Variants in TMEM182 observed in about 807,000 individuals in gnomAD.
The protein encoded by TMEM182 is transmembrane protein 182.
In TMEM182, 20 loss-of-function variants were observed where a neutral mutation model predicts 26.8. That is an observed-to-expected ratio of 0.75 (90% confidence interval 0.53 to 1.09). TMEM182 has a LOEUF of 1.09. TMEM182 is among the 50% of genes least tolerant of loss of function. The pLI, the probability that TMEM182 is intolerant of heterozygous loss-of-function variation, is 0.00. For missense variants in TMEM182, 277 were observed against 275.5 expected, an observed-to-expected ratio of 1.01 and a Z score of -0.04; for synonymous variants, 109 against 102.2, an observed-to-expected ratio of 1.07 and a Z score of -0.40.
upstream of TMEM182, among the ~76,000 whole-genome samples, chr2:102,761,582 G>T (rs1426434343): frequency 6.6e-6 from 1 of 152,152 alleles, no homozygotes; most frequent in Non-Finnish European, 1.5e-5. Context: ...ACTGTACTGT[G>T]TTATGTTAGA....
intron 3 of TMEM182, among the ~76,000 whole-genome samples, chr2:102,836,492 C>T (rs535194725): frequency 6.6e-6 from 1 of 152,146 alleles, no homozygotes; most frequent in African/African-American, 2.4e-5. Flanking sequence ...CTGGACTAAG[C>T]ACTTTAAACA....
chr2:102,764,810 G>A (rs1680362830), intron 3 of TMEM182, among the ~76,000 whole-genome samples: 1 of 151,008 alleles, frequency 6.6e-6, no homozygotes, highest in South Asian at 2.1e-4. Flanking sequence ...CATTACACAT[G>A]AGAATATCAC....
At chr2:102,737,718 G>A (rs1679398443) in intron 1 of TMEM182, among the ~76,000 whole-genome samples, 1 of 152,222 alleles carries the variant, frequency 6.6e-6, no homozygotes, top group Admixed American at 6.5e-5. Flanking sequence ...GGAATTAAGT[G>A]AGTGCATGAC....
At chr2:102,823,886 G>A (rs1012767634) in intron 3 of TMEM182, among the ~76,000 whole-genome samples, 1 of 152,192 alleles carries the variant, frequency 6.6e-6, no homozygotes, top group Non-Finnish European at 1.5e-5. Flanking sequence ...TCTGTCTAGG[G>A]CCAATCAAAA....
At chr2:102,789,148 A>G (rs1360082682) in intron 3 of TMEM182, among the ~76,000 whole-genome samples, 1 of 152,202 alleles carries the variant, frequency 6.6e-6, no homozygotes, top group Non-Finnish European at 1.5e-5. Flanking sequence ...CATTTGGAAC[A>G]TTTTATAGCA....
At chr2:102,748,513 T>G (rs1367527524) in intron 1 of TMEM182, among the ~76,000 whole-genome samples, 2 of 152,260 alleles carry the variant, frequency 1.3e-5, no homozygotes, top group African/African-American at 4.8e-5. Flanking sequence ...GTGGGTCCTA[T>G]GCTGGGCACT....
In TMEM182 at chr2:102,762,312, T is replaced by C; in HGVS notation, c.95T>C (p.Leu32Pro). Residue 32 changes from leucine to proline, a missense_variant, in exon 1 of 5, where the codon CTT becomes CCT. Coordinates refer to ENST00000412401, the MANE Select transcript of TMEM182 (RefSeq NM_144632.5). ...LVAFGSDYWL[L>P]ATEVGRCSGE... The stretch of plus-strand genomic sequence containing the variant: ...GCTTTTGGATCGGATTATTGGCTTC[T>C]TGCAACTGAAGTGGGGAGATGTTCA... 6.2e-7 allele frequency: 1 copy of C among 1,613,994 alleles called. No individual in the cohort carries two copies. Among genetic ancestry groups the C allele is most frequent in the Non-Finnish European group, 8.5e-7 (1 of 1,179,930 alleles).
Position 102,815,812 on chromosome 2 carries a change from A to G in TMEM182, c.*844A>G, listed in dbSNP as rs529053589. On this transcript the variant is annotated 3_prime_UTR_variant, in exon 5 of 5. Transcript: ENST00000412401. ...ATTCTCATTTAAAAATTATATTGCT[A>G]TCATTCAGCATGTGAAAATTTATTG... 1.8e-4 allele frequency: 164 copies of G among 911,996 alleles called. No individual in the cohort carries two copies. The African/African-American group carries it at 2.1e-3, about 12-fold the overall frequency. The allele number at this position is 911,996 out of a possible 1,614,324, so 56.5% of individuals were successfully genotyped here.
chr2:102,780,807 T>G (rs1446241475), intron 3 of TMEM182, among the ~76,000 whole-genome samples: 1 of 152,140 alleles, frequency 6.6e-6, no homozygotes. Flanking sequence ...GGGACTGCAG[T>G]ATTTTGTAGT....
At chr2:102,772,886 C>A (rs1385825937) in intron 3 of TMEM182, among the ~76,000 whole-genome samples, 2 of 152,016 alleles carry the variant, frequency 1.3e-5, no homozygotes, top group Non-Finnish European at 2.9e-5. Context: ...ATCATTAGGG[C>A]ACATAAATTC....
At chr2:102,809,343 T>C (rs1269082735) in intron 4 of TMEM182, among the ~76,000 whole-genome samples, 2 of 152,174 alleles carry the variant, frequency 1.3e-5, no homozygotes, top group African/African-American at 4.8e-5. Flanking sequence ...AGTAAATACA[T>C]AGCTTATCAA....
chr2:102,764,782 T>A (rs1680361276), intron 3 of TMEM182, among the ~76,000 whole-genome samples: 1 of 151,688 alleles, frequency 6.6e-6, no homozygotes. Context: ...ACATCATACT[T>A]CTAAAACTTT....
chr2:102,805,853 G>A (rs1233676679), intron 4 of TMEM182, among the ~76,000 whole-genome samples: 1 of 152,012 alleles, frequency 6.6e-6, no homozygotes. Flanking sequence ...AAGCTGCAGT[G>A]AGCTGTGACC....
rs569384491 is a variant in TMEM182, at chr2:102,835,821, A to G, written c.326-7591A>G. ...CATTAACTCGTCATTTACATTAGGT[A>G]TATCTCCTAATGCTATCCCTCCCCC... On this transcript the variant is annotated intron_variant, in intron 3 of 3. Coordinates refer to the TMEM182 transcript ENST00000486293. Among the ~76,000 whole-genome samples the G allele has an allele frequency of 8.6e-5, 13 of 150,488 alleles. No homozygotes were observed. In the South Asian group the frequency reaches 2.4e-3, roughly 27 times the overall value.
chr2:102,795,397 C>G (rs1206137930), intron 3 of TMEM182, among the ~76,000 whole-genome samples: 2 of 152,138 alleles, frequency 1.3e-5, no homozygotes, highest in African/African-American at 4.8e-5. Flanking sequence ...GTGGAGAATT[C>G]ACTGTTAAAA....
At chr2:102,790,716 G>C (rs751867057) in intron 3 of TMEM182, among the ~76,000 whole-genome samples, 1 of 152,100 alleles carries the variant, frequency 6.6e-6, no homozygotes, top group South Asian at 2.1e-4. Flanking sequence ...ACATCACTTT[G>C]AATTTGACCA....
chr2:102,834,136 C>A, intron 3 of TMEM182, among the ~76,000 whole-genome samples: 1 of 152,164 alleles, frequency 6.6e-6, no homozygotes. Flanking sequence ...TTTTTAATTT[C>A]CCTGCTCTAC....
chr2:102,830,825 C>A (rs1295329778), intron 3 of TMEM182, among the ~76,000 whole-genome samples: 1 of 152,090 alleles, frequency 6.6e-6, no homozygotes, highest in Admixed American at 6.6e-5. Flanking sequence ...TACCCATTAA[C>A]CATCCTCACC....
At position 102,822,734 on chromosome 2, in the gene TMEM182, T is replaced by C. The variant is rs113624270; in HGVS notation, c.326-20678T>C. Among the ~76,000 whole-genome samples the C allele has an allele frequency of 7.2e-3, 1,090 of 152,212 alleles. 13 individuals carry two copies. Among genetic ancestry groups the C allele is most frequent in the African/African-American group, 0.025 (1,047 of 41,532 alleles). On this transcript the variant is annotated intron_variant, in intron 3 of 3. Transcript: ENST00000486293. Reference sequence around the variant, plus strand: ...AGTGTGTGTACTTTGAAAATTAGTTTGTACAAAGAAGTGGATGGTGTGAAG... The same window carrying C: ...AGTGTGTGTACTTTGAAAATTAGTTCGTACAAAGAAGTGGATGGTGTGAAG...
Sources: gnomAD v4.1 joint callset for allele counts (sites outside exome capture counted in the v4.1 genomes callset) on GRCh38, gnomAD v4.1.1 for gene constraint, MANE v1.5 for transcripts, NCBI Gene and HGNC (gene_info 2026-07-23, HGNC 2026-07-21) for gene names.